Variants in PLS1 observed in about 807,000 individuals in gnomAD.
PLS1 encodes plastin 1.
Under a neutral mutation model 73.7 loss-of-function variants are expected in PLS1, and 32 were observed. That is an observed-to-expected ratio of 0.43 (90% CI 0.33 to 0.58). The LOEUF is 0.58. PLS1 is among the 20% of genes least tolerant of loss of function. The pLI is 0.04. For missense variants in PLS1, 633 were observed against 740.5 expected (o/e 0.85, Z 1.68); for synonymous variants, 217 against 261.3 (o/e 0.83, Z 1.63).
intron 1 of PLS1, among the ~76,000 whole-genome samples, chr3:142,647,155 A>G (rs961356084): frequency 1.3e-5 from 2 of 152,234 alleles, no homozygotes; most frequent in Admixed American, 6.5e-5. Context: ...CCAATAGTCA[A>G]AAAGACTAAC....
chr3:142,644,894 CACTTTACTCCTCCAGA>C (rs1480098951), intron 1 of PLS1, among the ~76,000 whole-genome samples: 3 of 152,144 alleles, frequency 2.0e-5, no homozygotes, highest in Non-Finnish European at 4.4e-5. Context: ...TAGTGGGCAC[CACTTTACTCCTCCAGA>C]AGCAAAAGGT....
intron 2 of PLS1, among the ~76,000 whole-genome samples, chr3:142,667,027 C>T (rs940410966): frequency 6.6e-6 from 1 of 152,174 alleles, no homozygotes; most frequent in Non-Finnish European, 1.5e-5. Flanking sequence ...GTTTTCTTTT[C>T]AAACTGTGAT....
intron 1 of PLS1, among the ~76,000 whole-genome samples, chr3:142,629,992 T>A (rs2036517744): frequency 6.6e-6 from 1 of 152,200 alleles, no homozygotes; most frequent in African/African-American, 2.4e-5. Context: ...AACTCACTTC[T>A]GTGCTGGTCC....
intron 6 of PLS1, among the ~76,000 whole-genome samples, chr3:142,682,807 A>C (rs2107885084): frequency 1.3e-5 from 2 of 152,356 alleles, no homozygotes; most frequent in East Asian, 3.9e-4. Flanking sequence ...AAAACACCTG[A>C]AGTTATTAAA....
chr3:142,602,719 G>T (rs1324813405), intron 1 of PLS1, among the ~76,000 whole-genome samples: 1 of 152,038 alleles, frequency 6.6e-6, no homozygotes, highest in African/African-American at 2.4e-5. Context: ...ATGGAACTCA[G>T]CTGAGAGCGT....
intron 12 of PLS1, among the ~76,000 whole-genome samples, chr3:142,701,425 T>C (rs2038329618): frequency 6.6e-6 from 1 of 152,196 alleles, no homozygotes; most frequent in African/African-American, 2.4e-5. Flanking sequence ...TTGAGTATTG[T>C]GTTGGTGCTC....
At position 142,712,016 on chromosome 3, in the gene PLS1, T is replaced by C; in HGVS notation, c.*9T>C. The stretch of plus-strand genomic sequence containing the variant: ...TGAACAGAATAAAATAATCATTTCA[T>C]ATGATTTTCTGCCACATTAAACATA... On this transcript the variant is annotated 3_prime_UTR_variant, in exon 16 of 16. Coordinates refer to ENST00000457734, the MANE Select transcript of PLS1 (RefSeq NM_001145319.2). The C allele has an allele frequency of 6.2e-7, 1 of 1,610,066 alleles. No individual in the cohort carries two copies. The highest frequency in any genetic ancestry group is 1.1e-5 in the South Asian group (1 of 90,884).
intron 1 of PLS1, among the ~76,000 whole-genome samples, chr3:142,602,302 G>C (rs1253689732): frequency 1.3e-5 from 2 of 152,004 alleles, no homozygotes; most frequent in Non-Finnish European, 2.9e-5. Context: ...AGTTGGCAAT[G>C]GGAAACTGGG....
intron 9 of PLS1, among the ~76,000 whole-genome samples, chr3:142,689,373 A>G (rs1232870944): frequency 6.6e-6 from 1 of 152,084 alleles, no homozygotes; most frequent in Non-Finnish European, 1.5e-5. Flanking sequence ...CAGTGAGCCA[A>G]GATCACGCCA....
intron 11 of PLS1, 26 bp from the exon 12 acceptor site, chr3:142,697,927 T>C (rs1484401239): frequency 3.2e-5 from 44 of 1,363,914 alleles, no homozygotes; most frequent in Non-Finnish European, 4.6e-5. Context: ...TCCTCCTCCT[T>C]TATCTGCTTT....
intron 1 of PLS1, among the ~76,000 whole-genome samples, chr3:142,648,577 C>A (rs1182641452): frequency 2.0e-5 from 3 of 152,132 alleles, no homozygotes; most frequent in African/African-American, 7.2e-5. Context: ...TTATGGTCAA[C>A]TGGAACTTCA....
At chr3:142,627,176 A>T (rs1275246624) in intron 1 of PLS1, among the ~76,000 whole-genome samples, 1 of 152,134 alleles carries the variant, frequency 6.6e-6, no homozygotes, top group Non-Finnish European at 1.5e-5. Context: ...CAAGGGTGTG[A>T]CCTCAGTTTT....
intron 1 of PLS1, among the ~76,000 whole-genome samples, chr3:142,640,804 CA>C (rs2036815220): frequency 6.6e-6 from 1 of 152,094 alleles, no homozygotes; most frequent in African/African-American, 2.4e-5. Flanking sequence ...AGTAGTTTAT[CA>C]AGGTTTATGC....
intron 1 of PLS1, among the ~76,000 whole-genome samples, chr3:142,636,055 AT>A (rs34619105): frequency 0.36 from 53,368 of 147,786 alleles, 10,052 homozygotes; most frequent in Middle Eastern, 0.45. Flanking sequence ...ACACCTGCTA[AT>A]TTTTTTTTTT....
At chr3:142,643,210 GA>G (rs2036879092) in intron 1 of PLS1, among the ~76,000 whole-genome samples, 1 of 152,212 alleles carries the variant, frequency 6.6e-6, no homozygotes, top group African/African-American at 2.4e-5. Context: ...CTGGAGCCCA[GA>G]AAGGAAGGGC....
chr3:142,674,049 T>C (rs2037667930), intron 4 of PLS1: 1 of 152,366 alleles, frequency 6.6e-6, no homozygotes, highest in South Asian at 2.1e-4. Flanking sequence ...TTTCAAATAG[T>C]ACCTCCTCTA....
chr3:142,698,109 A>C, intron 12 of PLS1, 42 bp downstream of exon 12: 1 of 1,131,042 alleles, frequency 8.8e-7, no homozygotes, highest in Non-Finnish European at 1.3e-6. Context: ...TATTGTTCTG[A>C]TATGAAACAA....
chr3:142,688,816 G>A (rs2038026098), intron 9 of PLS1, among the ~76,000 whole-genome samples: 1 of 151,980 alleles, frequency 6.6e-6, no homozygotes, highest in Non-Finnish European at 1.5e-5. Context: ...TAGGTATTTG[G>A]GTTGTTTCAT....
intron 6 of PLS1, among the ~76,000 whole-genome samples, chr3:142,680,168 A>G (rs2037818762): frequency 6.6e-6 from 1 of 152,170 alleles, no homozygotes; most frequent in South Asian, 2.1e-4. Context: ...GGATCAAGTG[A>G]TCCTCCAACC....
Sources: gnomAD v4.1 joint callset for allele counts (sites outside exome capture counted in the v4.1 genomes callset) on GRCh38, gnomAD v4.1.1 for gene constraint, MANE v1.5 for transcripts, NCBI Gene and HGNC (gene_info 2026-07-23, HGNC 2026-07-21) for gene names.